Variants in GK3 observed in about 807,000 individuals in gnomAD.
GK3 encodes the protein glycerol kinase 3.
the GK3 span, chr4:165,278,629 T>C: frequency 6.3e-7 from 1 of 1,591,612 alleles, no homozygotes; most frequent in Non-Finnish European, 8.6e-7. Context: ...CTGAGGTCTT[T>C]ATAATTCCAA....
chr4:165,279,172 G>A, the GK3 span: 9 of 1,595,882 alleles, frequency 5.6e-6, no homozygotes, highest in Admixed American at 6.7e-5. Context: ...TCACATTGTC[G>A]AGGAGCCAGC....
the GK3 span, chr4:165,278,660 A>G: frequency 0.036 from 57,526 of 1,598,362 alleles, 2,952 homozygotes; most frequent in African/African-American, 0.25. Context: ...TAGCCAGCGA[A>G]TAACAGCACC....
the GK3 span, chr4:165,278,556 A>G: frequency 6.2e-7 from 1 of 1,611,504 alleles, no homozygotes; most frequent in African/African-American, 1.3e-5. Flanking sequence ...AACCCCGAAA[A>G]TGCTGGGACG....
the GK3 span, chr4:165,278,166 C>T: frequency 1.1e-5 from 16 of 1,409,994 alleles, 1 homozygote; most frequent in Admixed American, 8.4e-5. Flanking sequence ...TCACTTTCCT[C>T]AGCATTAATC....
chr4:165,278,264 A>G, the GK3 span: 3 of 1,083,490 alleles, frequency 2.8e-6, no homozygotes, highest in South Asian at 1.2e-5. Context: ...CCCTGCCGCC[A>G]TGGCAGCACC....
the GK3 span, chr4:165,277,837 C>T: frequency 2.8e-6 from 2 of 725,840 alleles, no homozygotes; most frequent in South Asian, 1.5e-5. Context: ...TTTTAAGCCA[C>T]AGGTCTACTT....
chr4:165,279,558 A>T, the GK3 span: 1 of 1,584,636 alleles, frequency 6.3e-7, no homozygotes, highest in Non-Finnish European at 8.7e-7. Flanking sequence ...GCTGTTCTTG[A>T]ATTGAAAACC....
chr4:165,278,504 C>G, the GK3 span: 4 of 1,602,502 alleles, frequency 2.5e-6, no homozygotes, highest in African/African-American at 2.7e-5. Flanking sequence ...AGTGAGTCCA[C>G]AGATTATCCC....
At chr4:165,278,343 T>C in the GK3 span, 2 of 1,158,326 alleles carry the variant, frequency 1.7e-6, no homozygotes, top group South Asian at 1.2e-5. Context: ...TGTAGCTGCA[T>C]AAGAATTTTG....
the GK3 span, chr4:165,278,297 A>C: frequency 9.3e-7 from 1 of 1,078,804 alleles, no homozygotes; most frequent in Non-Finnish European, 1.4e-6. Context: ...TTCGGGCATC[A>C]AGGGCTTCAC....
chr4:165,279,670 G>A, the GK3 span: 2 of 1,594,798 alleles, frequency 1.3e-6, no homozygotes, highest in East Asian at 2.2e-5. Flanking sequence ...GTCCGCCCGC[G>A]TTTGCGGCCG....
At chr4:165,277,942 T>A in the GK3 span, 1 of 945,574 alleles carries the variant, frequency 1.1e-6, no homozygotes, top group Non-Finnish European at 1.8e-6. Context: ...TCTTTCATTA[T>A]GTAAAAAGCT....
chr4:165,279,079 G>T, the GK3 span: 1 of 1,539,564 alleles, frequency 6.5e-7, no homozygotes, highest in Non-Finnish European at 9.0e-7. Flanking sequence ...CTCCATTGAC[G>T]CCTCCTGTCA....
chr4:165,279,644 A>G, the GK3 span: 3 of 1,610,934 alleles, frequency 1.9e-6, no homozygotes, highest in Admixed American at 3.3e-5. Context: ...TGAGGCTGCC[A>G]TGAAACCAGC....
chr4:165,279,458 G>T, the GK3 span: 11 of 1,599,554 alleles, frequency 6.9e-6, no homozygotes, highest in South Asian at 1.1e-4. Flanking sequence ...CTCATAGACA[G>T]AATGTAGAAT....
the GK3 span, chr4:165,278,652 G>A: frequency 6.3e-7 from 1 of 1,595,774 alleles, no homozygotes; most frequent in South Asian, 1.1e-5. Flanking sequence ...TTGTCTCTTA[G>A]CCAGCGAATA....
the GK3 span, chr4:165,278,822 G>T: frequency 6.4e-7 from 1 of 1,553,056 alleles, no homozygotes; most frequent in Non-Finnish European, 8.9e-7. Context: ...CGTATTTTTG[G>T]CTTGTCCAAT....
chr4:165,278,787 A>G, the GK3 span: 2 of 1,545,620 alleles, frequency 1.3e-6, no homozygotes, highest in South Asian at 2.2e-5. Context: ...CCTGTATTAC[A>G]TAGTAAGAAA....
chr4:165,279,423 G>A, the GK3 span: 1 of 1,599,834 alleles, frequency 6.3e-7, no homozygotes, highest in Non-Finnish European at 8.6e-7. Flanking sequence ...AGCTGTCCAA[G>A]TTTCTCACAT....
Sources: allele counts gnomAD v4.1 joint callset, GRCh38; gene constraint gnomAD v4.1.1; transcripts MANE v1.5; gene names NCBI Gene and HGNC (gene_info 2026-07-23, HGNC 2026-07-21).